The following VWC2 variants were observed in gnomAD, a reference collection of about 807,000 sequenced individuals.
VWC2 encodes brorin.
A neutral mutation model predicts 29.8 loss-of-function variants in VWC2; 14 were observed. That is an observed-to-expected ratio of 0.47 (90% CI 0.31 to 0.74). VWC2 has a LOEUF of 0.74. VWC2 is among the 30% of genes least tolerant of loss of function. VWC2 has a pLI of 0.05. For missense variants in VWC2, 457 were observed against 459.8 expected (o/e 0.99, Z 0.05); for synonymous variants, 213 against 199.0 (o/e 1.07, Z -0.59).
At chr7:49,879,091 T>A (rs945035585) in intron 3 of VWC2, among the ~76,000 whole-genome samples, 1 of 152,164 alleles carries the variant, frequency 6.6e-6, no homozygotes, top group Non-Finnish European at 1.5e-5. Context: ...CCCTCAATCC[T>A]CAAAGGTCTC....
intron 3 of VWC2, among the ~76,000 whole-genome samples, chr7:49,899,321 G>C (rs916412707): frequency 6.6e-6 from 1 of 151,956 alleles, no homozygotes; most frequent in Admixed American, 6.5e-5. Context: ...ATGCTATTTA[G>C]AGCAGTGCAA....
At chr7:49,836,581 A>T (rs575771529) in intron 3 of VWC2, among the ~76,000 whole-genome samples, 3 of 151,628 alleles carry the variant, frequency 2.0e-5, no homozygotes, top group African/African-American at 7.3e-5. Context: ...GGAGGTTTCA[A>T]TGAGCTGAGA....
intron 3 of VWC2, among the ~76,000 whole-genome samples, chr7:49,862,841 C>T (rs750635201): frequency 1.3e-5 from 2 of 151,858 alleles, no homozygotes; most frequent in Non-Finnish European, 2.9e-5. Flanking sequence ...GATGTATAAT[C>T]CTTTTAATAT....
Position 49,919,577 on chromosome 7 carries a change from C to T in VWC2, c.*7392C>T, listed in dbSNP as rs1793913700. ...GATTAAATAAAAAATCCTCACAAAC[C>T]CCAATTTAATTTAATATAGATTAAT... On this transcript the variant is annotated 3_prime_UTR_variant, in exon 4 of 4. Transcript: ENST00000340652. The T allele has an allele frequency of 6.6e-6, 1 of 152,026 alleles. No homozygotes were observed. Among genetic ancestry groups the T allele is most frequent in the Admixed American group, 6.6e-5 (1 of 15,252 alleles). 9.4% of individuals were successfully genotyped at this position (152,026 alleles called of 1,614,324 possible). A position where few individuals can be genotyped will look rare whatever the true frequency, so the allele number is the denominator to read the frequency against.
intron 3 of VWC2, among the ~76,000 whole-genome samples, chr7:49,894,348 G>A (rs1792275405): frequency 6.6e-6 from 1 of 152,120 alleles, no homozygotes; most frequent in Non-Finnish European, 1.5e-5. Context: ...TAGAGACGGG[G>A]TTTTGAACAC....
rs200054906 is a variant in VWC2 at position 49,802,809 on chromosome 7, G to A, written c.795G>A (p.Glu265=). 47 of 1,614,216 alleles carry A rather than the reference G, an allele frequency of 2.9e-5. No homozygotes were observed. In the East Asian group the frequency reaches 8.2e-4, roughly 28 times the overall value. Residue 265 remains glutamate, a synonymous_variant, in exon 3 of 4, where the codon GAG becomes GAA. Transcript: ENST00000340652. ...CGGAGTGTGTGGACCCTGTGTACGA[G>A]CCTGATCAGTGCTGTCCCATCTGCA... is the stretch of plus-strand genomic sequence containing the variant. ...PQTECVDPVY[E]PDQCCPICKN...
intron 3 of VWC2, among the ~76,000 whole-genome samples, chr7:49,877,154 C>G (rs1034793190): frequency 6.6e-6 from 1 of 151,832 alleles, no homozygotes; most frequent in Non-Finnish European, 1.5e-5. Flanking sequence ...GACACATAGT[C>G]TCAGTGCTCA....
At chr7:49,811,782 C>T (rs1205589442) in intron 3 of VWC2, among the ~76,000 whole-genome samples, 1 of 152,140 alleles carries the variant, frequency 6.6e-6, no homozygotes, top group Non-Finnish European at 1.5e-5. Context: ...GAAAACTTAC[C>T]GTATATCCCA....
chr7:49,789,419 T>C (rs1326769550), intron 2 of VWC2, among the ~76,000 whole-genome samples: 1 of 151,608 alleles, frequency 6.6e-6, no homozygotes, highest in Non-Finnish European at 1.5e-5. Flanking sequence ...CATTAACATT[T>C]CCCCCCATTG....
At chr7:49,816,342 T>C (rs1789142489) in intron 3 of VWC2, among the ~76,000 whole-genome samples, 1 of 152,188 alleles carries the variant, frequency 6.6e-6, no homozygotes, top group Non-Finnish European at 1.5e-5. Flanking sequence ...GCTATTGCAG[T>C]GATCCAGAGA....
chr7:49,850,948 C>G (rs1790153827), intron 3 of VWC2, among the ~76,000 whole-genome samples: 1 of 152,204 alleles, frequency 6.6e-6, no homozygotes, highest in South Asian at 2.1e-4. Context: ...CCTGGGGCTG[C>G]CACAGCAAAT....
intron 3 of VWC2, among the ~76,000 whole-genome samples, chr7:49,842,261 C>T (rs942131049): frequency 3.9e-5 from 6 of 152,118 alleles, no homozygotes; most frequent in African/African-American, 1.4e-4. Context: ...TAGTAAATGG[C>T]TATTGCAGTG....
intron 3 of VWC2, among the ~76,000 whole-genome samples, chr7:49,869,988 A>T (rs1174162531): frequency 1.3e-5 from 2 of 152,240 alleles, no homozygotes; most frequent in Non-Finnish European, 2.9e-5. Context: ...AACTTGGAAC[A>T]AAATAGTGCA....
intron 3 of VWC2, among the ~76,000 whole-genome samples, chr7:49,888,825 C>T (rs1004270101): frequency 6.6e-6 from 1 of 152,118 alleles, no homozygotes; most frequent in African/African-American, 2.4e-5. Flanking sequence ...GCAGGAGAAT[C>T]GCTTGAACTC....
Position 49,792,551 on chromosome 7 carries a change from C to A in VWC2, c.697-10160C>A, listed in dbSNP as rs188441691. Among the ~76,000 whole-genome samples the A allele has an allele frequency of 9.3e-4, 142 of 152,310 alleles. 1 individual carries two copies. The highest frequency in any genetic ancestry group is 1.6e-3 in the Non-Finnish European group (107 of 68,008). ...AAGCTCAGGAAGGAAAAAGGACTGG[C>A]TGGGGATGGCGCAGTCCAGTTCTAG... is the stretch of plus-strand genomic sequence containing the variant. On this transcript the variant is annotated intron_variant, in intron 2 of 3. Transcript: ENST00000340652.
intron 3 of VWC2, among the ~76,000 whole-genome samples, chr7:49,844,130 C>T (rs997382381): frequency 6.6e-6 from 1 of 152,150 alleles, no homozygotes; most frequent in Non-Finnish European, 1.5e-5. Flanking sequence ...GATGTTTCAC[C>T]TAAGGTGTGT....
At position 49,775,332 on chromosome 7, in the gene VWC2, G is replaced by T; in HGVS notation, c.-103-1G>T. 1.1e-6 allele frequency: 1 copy of T among 925,330 alleles called. No homozygotes were observed. Among genetic ancestry groups the T allele is most frequent in the South Asian group, 3.4e-5 (1 of 29,208 alleles). 57.3% of individuals were successfully genotyped at this position (925,330 alleles called of 1,614,324 possible). ...CAGTTGTGCTGCTGTTCTCTCCGCA[G>T]GGACGGCGGCTCCCGGCTGGCGGCG... On this transcript the variant is annotated splice_acceptor_variant, in intron 1 of 3. Coordinates refer to ENST00000340652, the MANE Select transcript of VWC2 (RefSeq NM_198570.5). LOFTEE classifies it low-confidence loss of function (5UTR_SPLICE).
At chr7:49,891,964 A>C (rs951956978) in intron 3 of VWC2, among the ~76,000 whole-genome samples, 24 of 152,238 alleles carry the variant, frequency 1.6e-4, no homozygotes, top group African/African-American at 5.8e-4. Context: ...CATAAAATGA[A>C]AAGATACAAA....
intron 3 of VWC2, among the ~76,000 whole-genome samples, chr7:49,865,670 C>T (rs1395601191): frequency 1.3e-5 from 2 of 152,200 alleles, no homozygotes; most frequent in Non-Finnish European, 1.5e-5. Context: ...TTGTCCAAAG[C>T]AAGTCACATG....
Sources: allele counts gnomAD v4.1 joint callset (sites outside exome capture counted in the v4.1 genomes callset), GRCh38; gene constraint gnomAD v4.1.1; transcripts MANE v1.5; gene names NCBI Gene and HGNC (gene_info 2026-07-23, HGNC 2026-07-21).